The following PCDH9 variants were observed in gnomAD, a reference collection of about 807,000 sequenced individuals.
PCDH9 encodes protocadherin-9.
A neutral mutation model predicts 70.6 loss-of-function variants in PCDH9; 24 were observed. That is an observed-to-expected ratio of 0.34 (90% confidence interval 0.25 to 0.48). PCDH9 has a LOEUF of 0.48. Among genes scored for constraint, PCDH9 ranks in the 20% least tolerant of loss-of-function variants. The probability of loss-of-function intolerance (pLI) is 0.99; values close to 1 mark genes in which losing one functional copy is unlikely to be tolerated. For synonymous variants in PCDH9, 562 were observed against 558.5 expected, an observed-to-expected ratio of 1.01 and a Z score of -0.09; for missense variants, 1,281 against 1,503.6, an observed-to-expected ratio of 0.85 and a Z score of 2.45.
chr13:66,555,709 A>T (rs12019648), intron 4 of PCDH9, among the ~76,000 whole-genome samples: 4 of 86,368 alleles, frequency 4.6e-5, no homozygotes, highest in Non-Finnish European at 5.5e-5. Context: ...AATTATTTTC[A>T]GACTCTTATC....
intron 2 of PCDH9, among the ~76,000 whole-genome samples, chr13:67,176,804 T>A (rs930944134): frequency 6.6e-6 from 1 of 152,134 alleles, no homozygotes; most frequent in Non-Finnish European, 1.5e-5. Flanking sequence ...GATACTTTTA[T>A]CAACCCTCCC....
intron 3 of PCDH9, among the ~76,000 whole-genome samples, chr13:66,853,982 T>G (rs758862687): frequency 3.3e-5 from 5 of 152,198 alleles, no homozygotes; most frequent in Admixed American, 1.3e-4. Context: ...AGGAAAATAT[T>G]ATTTTACATT....
intron 4 of PCDH9, among the ~76,000 whole-genome samples, chr13:66,478,869 A>G (rs957781171): frequency 2.0e-5 from 3 of 152,226 alleles, no homozygotes; most frequent in Non-Finnish European, 1.5e-5. Flanking sequence ...ATTGATGACA[A>G]TGGCTACACT....
In PCDH9 at chr13:67,225,948, G is replaced by T; in HGVS notation, c.2493C>A (p.Phe831Leu). 6.2e-7 allele frequency: 1 copy of T among 1,614,086 alleles called. No homozygotes were observed. Among genetic ancestry groups the T allele is most frequent in the South Asian group, 1.1e-5 (1 of 91,072 alleles). ...AGAMVVIVVI[F>L]VTVLVRCRHA... ...GGCGACAGCGCACCAGAACGGTGAC[G>T]AAGATCACAACAATGACCACCATGG... The change falls in exon 2 of 5, where the codon TTC (phenylalanine) becomes TTA (leucine). Residue 831 changes from phenylalanine (F) to leucine (L), a missense_variant. By Grantham distance (22) the Phe-to-Leu change is conservative. Around this residue, in one of 4 missense-constraint regions of PCDH9, gnomAD observed 207 missense variants for 191.8 expected, o/e 1.08. Coordinates refer to ENST00000377865, the MANE Select transcript of PCDH9 (RefSeq NM_203487.3).
At chr13:66,317,057 T>C (rs1434095142) in intron 4 of PCDH9, among the ~76,000 whole-genome samples, 1 of 152,170 alleles carries the variant, frequency 6.6e-6, no homozygotes, top group Non-Finnish European at 1.5e-5. Flanking sequence ...CACTCATCAC[T>C]ACCTTTCACA....
At chr13:66,694,750 T>TTA (rs2078535450) in intron 3 of PCDH9, among the ~76,000 whole-genome samples, 1 of 151,920 alleles carries the variant, frequency 6.6e-6, no homozygotes, top group East Asian at 1.9e-4. Context: ...ACTATACACA[T>TTA]TATATATATT....
chr13:67,074,254 G>A (rs545064084), intron 2 of PCDH9, among the ~76,000 whole-genome samples: 3 of 152,036 alleles, frequency 2.0e-5, no homozygotes, highest in South Asian at 2.1e-4. Flanking sequence ...AGCTACCCTC[G>A]TCAATGGAAT....
chr13:66,975,067 T>TCTTTTA (rs2139755700), intron 2 of PCDH9, among the ~76,000 whole-genome samples: 1 of 152,082 alleles, frequency 6.6e-6, no homozygotes, highest in East Asian at 1.9e-4. Context: ...AAATTGTGGG[T>TCTTTTA]TTAAAGCTTC....
chr13:66,570,251 G>A lies in PCDH9; in HGVS notation c.3340+60959C>T, dbSNP rs542402629. ...CAGATTATGGTTACCATGGATTAGG[G>A]ATGAGGAGGGAAATGTGGAGAGCAG... On this transcript the variant is annotated intron_variant, in intron 4 of 4. Coordinates refer to ENST00000377865, the MANE Select transcript of PCDH9 (RefSeq NM_203487.3). Among the ~76,000 whole-genome samples the A allele has an allele frequency of 1.0e-3, 155 of 152,266 alleles. 1 individual carries two copies. The highest frequency in any genetic ancestry group is 3.6e-3 in the African/African-American group (151 of 41,568).
At chr13:66,558,847 G>A (rs978411793) in intron 4 of PCDH9, among the ~76,000 whole-genome samples, 1 of 152,078 alleles carries the variant, frequency 6.6e-6, no homozygotes. Flanking sequence ...TCCTTAAGTC[G>A]TTCCTAGGAG....
intron 2 of PCDH9, among the ~76,000 whole-genome samples, chr13:67,165,540 C>T (rs1191013819): frequency 6.6e-6 from 1 of 151,870 alleles, no homozygotes; most frequent in Non-Finnish European, 1.5e-5. Context: ...CAAGACTGTC[C>T]TGGGCTTACA....
chr13:67,184,335 C>A (rs1298042097), intron 2 of PCDH9, among the ~76,000 whole-genome samples: 4 of 152,122 alleles, frequency 2.6e-5, no homozygotes, highest in African/African-American at 9.7e-5. Flanking sequence ...GCCAAAAATT[C>A]TGTGCTAATT....
chr13:66,977,715 G>T (rs1391602668), intron 2 of PCDH9, among the ~76,000 whole-genome samples: 1 of 152,004 alleles, frequency 6.6e-6, no homozygotes, highest in African/African-American at 2.4e-5. Context: ...CTGAGCAGAA[G>T]GTATCTCTCC....
chr13:66,559,754 C>G (rs948728917), intron 4 of PCDH9, among the ~76,000 whole-genome samples: 2 of 136,658 alleles, frequency 1.5e-5, no homozygotes, highest in Non-Finnish European at 3.0e-5. Context: ...GAGCTGAGAT[C>G]GTGCCACTGC....
chr13:66,526,507 ATCTCTCTCTC>A (rs67724900), intron 4 of PCDH9, among the ~76,000 whole-genome samples: 36,504 of 149,210 alleles, frequency 0.24, 4,760 homozygotes, highest in South Asian at 0.35. Flanking sequence ...ATGCTTTGAA[ATCTCTCTCTC>A]TCTCTCTCTC....
intron 3 of PCDH9, among the ~76,000 whole-genome samples, chr13:66,849,509 TATATATATAGAG>T (rs1246923852): frequency 5.5e-4 from 48 of 86,664 alleles, no homozygotes; most frequent in East Asian, 4.2e-3. Flanking sequence ...TATATATATA[TATATATATAGAG>T]AGAGAGAGAG....
In PCDH9 at chr13:66,533,223, T is replaced by A. The variant is rs770220643; in HGVS notation, c.3340+97987A>T. Among the ~76,000 whole-genome samples, 5 of 152,228 alleles carry A rather than the reference T, an allele frequency of 3.3e-5. 1 individual carries two copies. The Middle Eastern group carries it at 0.014, about 414-fold the overall frequency. ...GGTATATTCCAGACTCTTAATATAT[T>A]CCTTTATGGAAGCTTTAAATAAAAG... On this transcript the variant is annotated intron_variant, in intron 4 of 4. Coordinates refer to ENST00000377865, the MANE Select transcript of PCDH9 (RefSeq NM_203487.3).
chr13:66,678,945 G>GTA lies in PCDH9; in HGVS notation c.3139-47536_3139-47535dup, dbSNP rs1431192656. ...CTGGCATCAAGTTAGGCGACTGGAT[G>GTA]TATATATATATACATCCAGTATATA... On this transcript the variant is annotated intron_variant, in intron 3 of 4. Coordinates refer to ENST00000377865, the MANE Select transcript of PCDH9 (RefSeq NM_203487.3). Among the ~76,000 whole-genome samples the GTA allele has an allele frequency of 1.7e-3, 257 of 150,490 alleles. 13 individuals are homozygous for GTA. The highest frequency in any genetic ancestry group is 4.7e-3 in the Admixed American group (71 of 15,044).
chr13:66,880,672 T>C (rs2081906541), intron 3 of PCDH9, among the ~76,000 whole-genome samples: 2 of 152,166 alleles, frequency 1.3e-5, no homozygotes, highest in Non-Finnish European at 2.9e-5. Context: ...CCTTCTTAGG[T>C]CTATGCAAGA....
Sources: allele counts gnomAD v4.1 joint callset (sites outside exome capture counted in the v4.1 genomes callset), GRCh38; gene constraint gnomAD v4.1.1; regional missense constraint gnomAD v4.1.1; transcripts MANE v1.5; gene names NCBI Gene and HGNC (gene_info 2026-07-23, HGNC 2026-07-21).